CNTNAP4: variants seen among roughly 807,000 people sequenced by gnomAD.
CNTNAP4 encodes the protein contactin associated protein family member 4, also known as contactin-associated protein-like 4.
A neutral mutation model predicts 148.4 loss-of-function variants in CNTNAP4; 98 were observed. The observed-to-expected ratio is 0.66, with a 90% CI of 0.56 to 0.78. CNTNAP4 has a LOEUF of 0.78. Ranked by LOEUF, CNTNAP4 falls within the 30% of genes least tolerant of loss-of-function variation. The probability of loss-of-function intolerance (pLI) is 0.00; values close to 1 mark genes in which losing one functional copy is unlikely to be tolerated. For synonymous variants in CNTNAP4, 730 were observed against 565.1 expected (o/e 1.29, Z -4.14); for missense variants, 1,935 against 1,565.6 (o/e 1.24, Z -3.98).
intron 4 of CNTNAP4, among the ~76,000 whole-genome samples, chr16:76,444,010 C>T (rs2080143600): frequency 6.6e-6 from 1 of 151,940 alleles, no homozygotes; most frequent in Non-Finnish European, 1.5e-5. Context: ...CATTCAAATA[C>T]AGAATATACA....
At chr16:76,505,003 G>A (rs908273818) in intron 15 of CNTNAP4, among the ~76,000 whole-genome samples, 1 of 152,020 alleles carries the variant, frequency 6.6e-6, no homozygotes, top group African/African-American at 2.4e-5. Context: ...CTAGAACTCT[G>A]GTACATTGCA....
chr16:76,500,228 G>A (rs919787945), intron 15 of CNTNAP4, among the ~76,000 whole-genome samples: 1 of 151,928 alleles, frequency 6.6e-6, no homozygotes, highest in Non-Finnish European at 1.5e-5. Context: ...GGCCTGGCAG[G>A]GGCTGCCCCC....
intron 1 of CNTNAP4, among the ~76,000 whole-genome samples, chr16:76,281,350 A>T (rs1958681094): frequency 6.6e-6 from 1 of 152,122 alleles, no homozygotes; most frequent in African/African-American, 2.4e-5. Context: ...ATCAGCACGT[A>T]CTTTGACTCA....
At chr16:76,372,052 C>T (rs2144634422) in intron 3 of CNTNAP4, among the ~76,000 whole-genome samples, 1 of 152,218 alleles carries the variant, frequency 6.6e-6, no homozygotes, top group South Asian at 2.1e-4. Flanking sequence ...TAACTTTAAT[C>T]AACCGAATTT....
At chr16:76,529,925 G>A (rs150714141) in intron 17 of CNTNAP4, among the ~76,000 whole-genome samples, 35 of 151,570 alleles carry the variant, frequency 2.3e-4, no homozygotes, top group Middle Eastern at 3.4e-3. Flanking sequence ...TCTAGGTCAC[G>A]GCATATGCAT....
chr16:76,318,630 G>C (rs1962063103), intron 2 of CNTNAP4, among the ~76,000 whole-genome samples: 1 of 151,002 alleles, frequency 6.6e-6, no homozygotes. Context: ...GATTTTCAGT[G>C]ATTTATTAAA....
intron 4 of CNTNAP4, among the ~76,000 whole-genome samples, chr16:76,430,727 G>C (rs1215005292): frequency 6.6e-6 from 1 of 152,146 alleles, no homozygotes; most frequent in African/African-American, 2.4e-5. Context: ...CGCTTCGCCT[G>C]AGCCATTCAC....
rs1185315518 is a variant in CNTNAP4 at position 76,553,275 on chromosome 16, A to C, written c.3443-8A>C. 8 of 1,556,020 alleles carry C rather than the reference A, an allele frequency of 5.1e-6. No individual in the cohort carries two copies. Among genetic ancestry groups the C allele is most frequent in the Non-Finnish European group, 7.0e-6 (8 of 1,136,122 alleles). On this transcript the variant is annotated splice_region_variant and splice_polypyrimidine_tract_variant and intron_variant, in intron 21 of 23. Transcript: ENST00000611870. ...TACTAATATTTCGGTGTTTCTTTGA[A>C]TTTCTAGAACACAGTGATGTGGACC...
At chr16:76,289,826 C>G (rs766560616) in intron 1 of CNTNAP4, among the ~76,000 whole-genome samples, 30 of 152,176 alleles carry the variant, frequency 2.0e-4, no homozygotes, top group Non-Finnish European at 3.8e-4. Context: ...CCGCCTCAGC[C>G]TCCCAAAGTG....
chr16:76,522,652 C>CCTTCCTTCCT (rs1568496042), intron 17 of CNTNAP4, among the ~76,000 whole-genome samples: 15 of 66,376 alleles, frequency 2.3e-4, no homozygotes, highest in Non-Finnish European at 4.1e-4. Flanking sequence ...TTTCTTTTCT[C>CCTTCCTTCCT]TCTTTCTCTC....
chr16:76,547,247 A>G (rs2084776779), intron 21 of CNTNAP4, among the ~76,000 whole-genome samples: 1 of 152,206 alleles, frequency 6.6e-6, no homozygotes, highest in African/African-American at 2.4e-5. Context: ...TTAAGCTATT[A>G]CTGGATCACA....
intron 3 of CNTNAP4, among the ~76,000 whole-genome samples, chr16:76,361,295 C>T (rs893833073): frequency 3.3e-5 from 5 of 152,164 alleles, no homozygotes; most frequent in Non-Finnish European, 7.3e-5. Flanking sequence ...GACACCTCCT[C>T]ATTTCACCCT....
At chr16:76,312,155 T>A (rs1427407949) in intron 1 of CNTNAP4, among the ~76,000 whole-genome samples, 1 of 152,200 alleles carries the variant, frequency 6.6e-6, no homozygotes, top group Non-Finnish European at 1.5e-5. Context: ...TATTGACATT[T>A]GAGACCAGAC....
Position 76,460,649 on chromosome 16 carries a change from G to C in CNTNAP4, c.1334-1307G>C, listed in dbSNP as rs565119384. Reference sequence around the variant, plus strand: ...GTGGTGGCAAGCGCCTGTAGTCCCAGCTACATTGAAGGAGAGTGGCTTGAA... The same window carrying C: ...GTGGTGGCAAGCGCCTGTAGTCCCACCTACATTGAAGGAGAGTGGCTTGAA... On this transcript the variant is annotated intron_variant, in intron 8 of 23. Coordinates refer to ENST00000611870, the MANE Select transcript of CNTNAP4 (RefSeq NM_033401.5). Among the ~76,000 whole-genome samples, 19 of 144,652 alleles carry C rather than the reference G, an allele frequency of 1.3e-4. 1 individual carries two copies. The East Asian group carries it at 3.9e-3, about 29-fold the overall frequency. The allele number at this position is 144,652 out of a possible 152,430, so 94.9% of individuals were successfully genotyped here.
intron 3 of CNTNAP4, among the ~76,000 whole-genome samples, chr16:76,367,301 GA>G (rs1275869289): frequency 2.0e-5 from 3 of 151,626 alleles, no homozygotes; most frequent in Non-Finnish European, 2.9e-5. Flanking sequence ...TACAGATGCA[GA>G]AAAAAGTATT....
At chr16:76,488,782 T>C (rs570199102) in intron 12 of CNTNAP4, among the ~76,000 whole-genome samples, 1 of 152,328 alleles carries the variant, frequency 6.6e-6, no homozygotes, top group South Asian at 2.1e-4. Context: ...ATAAAGTCTG[T>C]TGCTGGTAAA....
intron 15 of CNTNAP4, among the ~76,000 whole-genome samples, chr16:76,519,286 G>T (rs1243115881): frequency 6.6e-6 from 1 of 151,972 alleles, no homozygotes; most frequent in Admixed American, 6.5e-5. Flanking sequence ...GTAATAAATT[G>T]GTTTCATTGC....
chr16:76,550,294 C>G (rs2084907067), intron 21 of CNTNAP4, among the ~76,000 whole-genome samples: 1 of 152,132 alleles, frequency 6.6e-6, no homozygotes, highest in Non-Finnish European at 1.5e-5. Context: ...CCTTTCCCTG[C>G]TAACATGTAA....
intron 1 of CNTNAP4, among the ~76,000 whole-genome samples, chr16:76,279,382 CT>C (rs1289776801): frequency 6.6e-6 from 1 of 152,144 alleles, no homozygotes; most frequent in Non-Finnish European, 1.5e-5. Context: ...TGCTTGTTTT[CT>C]TGAAGCTCAA....
Sources: gnomAD v4.1 joint callset for allele counts (sites outside exome capture counted in the v4.1 genomes callset) on GRCh38, gnomAD v4.1.1 for gene constraint, MANE v1.5 for transcripts, NCBI Gene and HGNC (gene_info 2026-07-23, HGNC 2026-07-21) for gene names.